The following NCOA1 variants were observed in gnomAD, a reference collection of about 807,000 sequenced individuals.
The protein encoded by NCOA1 is nuclear receptor coactivator 1, also known as Hin-2 protein.
In NCOA1, 35 loss-of-function variants were observed where a neutral mutation model predicts 150.9. The ratio of observed to expected loss-of-function variants is 0.23; its 90% CI spans 0.18 to 0.31. The LOEUF (loss-of-function observed/expected upper bound fraction) is 0.31. Ranked by LOEUF, NCOA1 falls within the 10% of genes least tolerant of loss-of-function variation. NCOA1 has a pLI of 1.00. For synonymous variants in NCOA1, 590 were observed against 630.0 expected (o/e 0.94, Z 0.95); for missense variants, 1,491 against 1,749.3 (o/e 0.85, Z 2.63).
chr2:24,658,235 T>C (rs1278159421), intron 4 of NCOA1, among the ~76,000 whole-genome samples: 2 of 152,212 alleles, frequency 1.3e-5, no homozygotes, highest in Non-Finnish European at 1.5e-5. Context: ...ACCTTATGAG[T>C]GAAAGTTATT....
chr2:24,554,372 GTTTT>G (rs1365617532), intron 1 of NCOA1: 1 of 151,860 alleles, frequency 6.6e-6, no homozygotes, highest in Non-Finnish European at 1.5e-5. Flanking sequence ...TTTTTGTTGT[GTTTT>G]TTGTTTTTTC....
intron 3 of NCOA1, among the ~76,000 whole-genome samples, chr2:24,586,081 C>T (rs1252248995): frequency 2.6e-5 from 4 of 151,574 alleles, no homozygotes; most frequent in Non-Finnish European, 5.9e-5. Context: ...TGGAGACCAG[C>T]CTGGGCAACA....
At chr2:24,536,182 C>T (rs529300329) in intron 1 of NCOA1, among the ~76,000 whole-genome samples, 14 of 152,196 alleles carry the variant, frequency 9.2e-5, no homozygotes, top group South Asian at 4.1e-4. Context: ...CTTGTCTTCT[C>T]GCTTTATTTC....
intron 3 of NCOA1, among the ~76,000 whole-genome samples, chr2:24,589,630 G>GGT (rs148118845): frequency 0.2 from 29,512 of 146,934 alleles, 3,330 homozygotes; most frequent in African/African-American, 0.31. Context: ...AGAGGTTGGT[G>GGT]GTGTGTGTGT....
chr2:24,765,176 CAAAAA>C (rs60481361), intron 22 of NCOA1, among the ~76,000 whole-genome samples: 1 of 138,214 alleles, frequency 7.2e-6, no homozygotes, highest in Non-Finnish European at 1.6e-5. Context: ...TACTTCGACT[CAAAAA>C]AAAAAAAGAG....
At chr2:24,662,315 G>A (rs1671219657) in intron 5 of NCOA1, among the ~76,000 whole-genome samples, 1 of 152,096 alleles carries the variant, frequency 6.6e-6, no homozygotes, top group Non-Finnish European at 1.5e-5. Flanking sequence ...AGGAGAATGA[G>A]GATTAAAACG....
At chr2:24,559,047 G>A (rs1453519322) in intron 1 of NCOA1, among the ~76,000 whole-genome samples, 23 of 152,216 alleles carry the variant, frequency 1.5e-4, no homozygotes, top group Middle Eastern at 3.4e-3. Context: ...AAAACAACTC[G>A]CAACTTTGTT....
At chr2:24,711,285 T>C (rs529000021) in intron 14 of NCOA1, 174 bp downstream of exon 14, 5 of 593,098 alleles carry the variant, frequency 8.4e-6, no homozygotes, top group Non-Finnish European at 1.4e-5. Flanking sequence ...ATTCATCATG[T>C]GTATTTTAAA....
chr2:24,566,521 A>C (rs1666513940), intron 2 of NCOA1, among the ~76,000 whole-genome samples: 1 of 152,190 alleles, frequency 6.6e-6, no homozygotes, highest in African/African-American at 2.4e-5. Context: ...GCTGAAGTGC[A>C]TGCTGATTGG....
intron 1 of NCOA1, among the ~76,000 whole-genome samples, chr2:24,498,397 A>C (rs1663316663): frequency 6.6e-6 from 1 of 152,234 alleles, no homozygotes; most frequent in Non-Finnish European, 1.5e-5. Context: ...ACAAACATAC[A>C]AATACCTATA....
At chr2:24,498,554 G>A (rs1663321141) in intron 1 of NCOA1, among the ~76,000 whole-genome samples, 1 of 152,202 alleles carries the variant, frequency 6.6e-6, no homozygotes, top group Non-Finnish European at 1.5e-5. Flanking sequence ...AAAGCATTGA[G>A]GGCAGGGGAT....
intron 14 of NCOA1, among the ~76,000 whole-genome samples, chr2:24,713,058 G>C (rs1300096359): frequency 6.6e-6 from 1 of 151,850 alleles, no homozygotes. Flanking sequence ...GTGAAACCCT[G>C]TCTCTACCAA....
At chr2:24,682,351 TG>T (rs1270608355) in intron 7 of NCOA1, among the ~76,000 whole-genome samples, 1 of 152,202 alleles carries the variant, frequency 6.6e-6, no homozygotes, top group Non-Finnish European at 1.5e-5. Context: ...GGCACCATAG[TG>T]TTAATATGCT....
chr2:24,746,853 A>G (rs950764807), intron 19 of NCOA1, among the ~76,000 whole-genome samples: 4 of 152,174 alleles, frequency 2.6e-5, no homozygotes, highest in Admixed American at 6.5e-5. Flanking sequence ...AATGTAACCT[A>G]TAGACTCTGG....
intron 4 of NCOA1, among the ~76,000 whole-genome samples, chr2:24,650,239 G>T (rs1670653266): frequency 6.6e-6 from 1 of 151,912 alleles, no homozygotes; most frequent in Admixed American, 6.6e-5. Context: ...TTTGTTTCCA[G>T]GGATTTCAGG....
intron 1 of NCOA1, among the ~76,000 whole-genome samples, chr2:24,517,250 G>A (rs902061183): frequency 1.3e-5 from 2 of 151,780 alleles, no homozygotes; most frequent in Admixed American, 6.6e-5. Context: ...TCTGCTGTGA[G>A]TGTCTTCCTT....
At chr2:24,710,174 A>G (rs552644121) in intron 13 of NCOA1, among the ~76,000 whole-genome samples, 26 of 152,022 alleles carry the variant, frequency 1.7e-4, no homozygotes, top group African/African-American at 6.3e-4. Flanking sequence ...GCTCACTGCA[A>G]CCTCCGCCTC....
intron 14 of NCOA1, among the ~76,000 whole-genome samples, chr2:24,713,202 G>T (rs947342382): frequency 1.3e-5 from 2 of 152,012 alleles, no homozygotes; most frequent in African/African-American, 4.8e-5. Context: ...TTGCACTCCA[G>T]CCTGGGCGAC....
chr2:24,606,390 C>T (rs934545947), intron 3 of NCOA1, among the ~76,000 whole-genome samples: 5 of 152,070 alleles, frequency 3.3e-5, no homozygotes, highest in Non-Finnish European at 5.9e-5. Context: ...GCGCCTGCCA[C>T]CATGCCCAGC....
Sources: gnomAD v4.1 joint callset for allele counts (sites outside exome capture counted in the v4.1 genomes callset) on GRCh38, gnomAD v4.1.1 for gene constraint, MANE v1.5 for transcripts, NCBI Gene and HGNC (gene_info 2026-07-23, HGNC 2026-07-21) for gene names.